Variants in ANKRD24 observed in about 807,000 individuals in gnomAD.
The protein encoded by ANKRD24 is ankyrin repeat domain-containing protein 24.
Under a neutral mutation model 127.8 loss-of-function variants are expected in ANKRD24, and 109 were observed. The ratio of observed to expected loss-of-function variants is 0.85; its 90% CI spans 0.73 to 1.00. The LOEUF is 1.00. ANKRD24 is among the 50% of genes least tolerant of loss of function. The pLI is 0.00. For synonymous variants in ANKRD24, 743 were observed against 671.1 expected (o/e 1.11, Z -1.66); for missense variants, 1,648 against 1,570.2 (o/e 1.05, Z -0.84).
chr19:4,194,566 G>A (rs1968590307), intron 2 of ANKRD24, among the ~76,000 whole-genome samples: 1 of 152,202 alleles, frequency 6.6e-6, no homozygotes. Flanking sequence ...TACGGAAACA[G>A]GCAGTGGGCA....
intron 5 of ANKRD24, among the ~76,000 whole-genome samples, chr19:4,201,290 G>A (rs1969082391): frequency 6.6e-6 from 1 of 152,126 alleles, no homozygotes; most frequent in Admixed American, 6.6e-5. Context: ...GGCATGGTGG[G>A]CAGGGAATAT....
intron 15 of ANKRD24, among the ~76,000 whole-genome samples, chr19:4,213,275 CCTTCCCTCCTTCCTTCCTTT>C (rs1296316194): frequency 2.1e-5 from 3 of 142,574 alleles, no homozygotes; most frequent in African/African-American, 8.6e-5. Context: ...TTCCTTCCTT[CCTTCCCTCCTTCCTTCCTTT>C]CTTTCCTTCC....
At chr19:4,189,279 T>C (rs932943296) in intron 2 of ANKRD24, among the ~76,000 whole-genome samples, 2 of 130,010 alleles carry the variant, frequency 1.5e-5, no homozygotes, top group Non-Finnish European at 1.6e-5. Flanking sequence ...GGAGTCTCAC[T>C]CTGTTGCTCA....
chr19:4,221,229 A>G (rs1970425069), intron 19 of ANKRD24, among the ~76,000 whole-genome samples: 1 of 151,950 alleles, frequency 6.6e-6, no homozygotes, highest in South Asian at 2.1e-4. Flanking sequence ...GGCGAGTGCC[A>G]CCACACCCAG....
At chr19:4,202,521 G>A (rs191923984) in intron 6 of ANKRD24, among the ~76,000 whole-genome samples, 39 of 152,154 alleles carry the variant, frequency 2.6e-4, no homozygotes, top group Admixed American at 2.6e-3. Context: ...AGTGAGCCGA[G>A]ATCATGCCAT....
In ANKRD24 at chr19:4,198,647, G is replaced by A; in HGVS notation, c.37-1036G>A. On this transcript the variant is annotated intron_variant, in intron 2 of 21. Coordinates refer to ENST00000318934, the MANE Select transcript of ANKRD24 (RefSeq NM_001393985.1). The surrounding 1 kb of genome is among the most constrained non-coding windows in gnomAD (Gnocchi z 6.1). Reference sequence around the variant, plus strand: ...CCCCCATTCCAGACCCGGGAAAGATGGTCGGCGGCGGGGGGTGGGGGGGAA... The same window carrying A: ...CCCCCATTCCAGACCCGGGAAAGATAGTCGGCGGCGGGGGGTGGGGGGGAA... The A allele has an allele frequency of 2.5e-6, 1 of 402,402 alleles. No homozygotes were observed. Among genetic ancestry groups the A allele is most frequent in the Non-Finnish European group, 4.4e-6 (1 of 227,262 alleles). The allele number at this position is 402,402 out of a possible 1,614,324, so 24.9% of individuals were successfully genotyped here. A position where few individuals can be genotyped will look rare whatever the true frequency, so the allele number is the denominator to read the frequency against.
intron 1 of ANKRD24, among the ~76,000 whole-genome samples, chr19:4,184,001 G>A (rs1177307674): frequency 2.0e-5 from 3 of 152,198 alleles, no homozygotes; most frequent in Admixed American, 6.5e-5. Flanking sequence ...CTGGTGGGGG[G>A]AACAGCAAGT....
intron 2 of ANKRD24, among the ~76,000 whole-genome samples, chr19:4,196,311 A>G (rs1452192862): frequency 6.6e-6 from 1 of 151,964 alleles, no homozygotes; most frequent in East Asian, 1.9e-4. Flanking sequence ...CGTTGCTCTT[A>G]AATTCTGGCT....
chr19:4,187,069 T>G (rs898851117), intron 2 of ANKRD24, among the ~76,000 whole-genome samples: 1 of 151,566 alleles, frequency 6.6e-6, no homozygotes, highest in East Asian at 1.9e-4. Context: ...TTAAAGAGGG[T>G]GGCCAGGGAA....
At chr19:4,193,666 G>A (rs1227199449) in intron 2 of ANKRD24, among the ~76,000 whole-genome samples, 1 of 151,690 alleles carries the variant, frequency 6.6e-6, no homozygotes, top group South Asian at 2.1e-4. Context: ...GTGATACCCC[G>A]TCTCTACTAA....
In ANKRD24 at chr19:4,217,016, A is replaced by T. The variant is rs751211595; in HGVS notation, c.1856A>T (p.Glu619Val). The T allele has an allele frequency of 1.2e-6, 2 of 1,613,860 alleles. No individual in the cohort carries two copies. The highest frequency in any genetic ancestry group is 1.7e-6 in the Non-Finnish European group (2 of 1,179,866). The change falls in exon 18 of 22, where the codon GAA becomes GTA. Residue 619 changes from glutamate to valine, a missense_variant. Transcript: ENST00000318934. ...ACCACAGAAGAAGAAGCAAACATGG[A>T]AACTAAGCCCACAGGAGCTCAGGCC... ...METTEEEANMETKPTGAQATD... is the reference protein window; with the variant it reads ...METTEEEANMVTKPTGAQATD...
chr19:4,214,937 C>A (rs952627404), intron 15 of ANKRD24, among the ~76,000 whole-genome samples: 1 of 152,152 alleles, frequency 6.6e-6, no homozygotes, highest in East Asian at 1.9e-4. Flanking sequence ...TATACCCACA[C>A]GTATGGTCAC....
Position 4,216,843 on chromosome 19 carries a change from C to T in ANKRD24, c.1683C>T (p.Thr561=), listed in dbSNP as rs776016886. ...APETKVNGAE[T]IDEEAAGDET... The stretch of plus-strand genomic sequence containing the variant: ...AAACCAAAGTTAACGGAGCCGAGAC[C>T]ATAGATGAGGAGGCTGCAGGAGATG... The change falls in exon 18 of 22, where the codon ACC becomes ACT. Residue 561 remains threonine, a synonymous_variant. Coordinates refer to ENST00000318934, the MANE Select transcript of ANKRD24 (RefSeq NM_001393985.1). The T allele has an allele frequency of 6.2e-7, 1 of 1,610,360 alleles. No individual in the cohort carries two copies. Among genetic ancestry groups the T allele is most frequent in the Non-Finnish European group, 8.5e-7 (1 of 1,178,534 alleles).
intron 7 of ANKRD24, among the ~76,000 whole-genome samples, chr19:4,205,862 G>C (rs1008421170): frequency 1.3e-5 from 2 of 151,234 alleles, no homozygotes; most frequent in African/African-American, 4.9e-5. Context: ...ATAAAAATAG[G>C]TCGGGTGCGG....
At position 4,207,870 on chromosome 19, in the gene ANKRD24, C is replaced by G; in HGVS notation, c.734C>G (p.Ala245Gly). 1.9e-6 allele frequency: 3 copies of G among 1,559,908 alleles called. No homozygotes were observed. Among genetic ancestry groups the G allele is most frequent in the Non-Finnish European group, 2.6e-6 (3 of 1,154,920 alleles). Reference sequence around the variant, plus strand: ...GGAGCCCAGCCGGGCATCACCGATGCGCTGGGGCAGGACGCGGCTCACTAT... The same window carrying G: ...GGAGCCCAGCCGGGCATCACCGATGGGCTGGGGCAGGACGCGGCTCACTAT... The part of the protein sequence containing the change: ...QGGAQPGITD[A>G]LGQDAAHYGA... Residue 245 changes from alanine to glycine, a missense_variant, in exon 10 of 22, where the codon GCG becomes GGG. Physicochemically the swap from Ala to Gly is moderately conservative, Grantham distance 60. Transcript: ENST00000318934.
chr19:4,215,923 G>T, intron 15 of ANKRD24, 55 bp from the exon 16 acceptor site: 1 of 1,433,046 alleles, frequency 7.0e-7, no homozygotes, highest in Admixed American at 2.0e-5. Context: ...TCTTGGTGGG[G>T]ACACACGGGG....
intron 8 of ANKRD24, 39 bp from the exon 9 acceptor site, chr19:4,207,462 A>C: frequency 6.2e-7 from 1 of 1,600,096 alleles, no homozygotes; most frequent in Non-Finnish European, 8.6e-7. Flanking sequence ...CCCGGGGGTC[A>C]GTTTCTCATG....
At chr19:4,215,763 A>G (rs1450537818) in intron 15 of ANKRD24, among the ~76,000 whole-genome samples, 1 of 108,776 alleles carries the variant, frequency 9.2e-6, no homozygotes, top group Non-Finnish European at 1.8e-5. Context: ...TGACAGAGTA[A>G]GACCCTGGCT....
intron 18 of ANKRD24, among the ~76,000 whole-genome samples, chr19:4,218,672 CTCTT>C (rs1439700829): frequency 6.7e-6 from 1 of 150,116 alleles, no homozygotes; most frequent in Non-Finnish European, 1.5e-5. Flanking sequence ...CTCTTTCTTT[CTCTT>C]TATTTCTCCT....
Sources: allele counts gnomAD v4.1 joint callset (sites outside exome capture counted in the v4.1 genomes callset), GRCh38; gene constraint gnomAD v4.1.1; non-coding constraint Gnocchi (gnomAD v3.1); transcripts MANE v1.5; gene names NCBI Gene and HGNC (gene_info 2026-07-23, HGNC 2026-07-21).